The following SLC15A1 variants were observed in gnomAD, a reference collection of about 807,000 sequenced individuals.
SLC15A1 encodes Caco-2 oligopeptide transporter.
Under a neutral mutation model 92.9 loss-of-function variants are expected in SLC15A1, and 83 were observed. The ratio of observed to expected loss-of-function variants is 0.89; its 90% confidence interval spans 0.75 to 1.07. SLC15A1 has a LOEUF of 1.07. Among genes scored for constraint, SLC15A1 ranks in the 50% least tolerant of loss-of-function variants. The pLI is 0.00. For synonymous variants in SLC15A1, 322 were observed against 318.2 expected, an observed-to-expected ratio of 1.01 and a Z score of -0.13; for missense variants, 857 against 880.1, an observed-to-expected ratio of 0.97 and a Z score of 0.33.
chr13:98,729,004 AAAC>A lies in SLC15A1; in HGVS notation c.5-2148_5-2146del, dbSNP rs1330051007. Among the ~76,000 whole-genome samples the A allele has an allele frequency of 2.9e-3, 407 of 140,962 alleles. 46 individuals carry two copies. The highest frequency in any genetic ancestry group is 5.0e-3 in the African/African-American group (192 of 38,576). 92.5% of individuals were successfully genotyped at this position (140,962 alleles called of 152,430 possible). The stretch of plus-strand genomic sequence containing the variant: ...AAAAAAAAAAAAAAAAAAAAAAAAA[AAAC>A]AACAAGCCCCAAAACAAAAAACAAA... On this transcript the variant is annotated intron_variant, in intron 1 of 22. Transcript: ENST00000376503.
chr13:98,741,151 G>A (rs910304906), intron 1 of SLC15A1, among the ~76,000 whole-genome samples: 2 of 152,296 alleles, frequency 1.3e-5, no homozygotes, highest in African/African-American at 4.8e-5. Flanking sequence ...CCTGACAAGT[G>A]AGCGAGGGCC....
chr13:98,742,967 G>T (rs900042293), intron 1 of SLC15A1, among the ~76,000 whole-genome samples: 7 of 152,154 alleles, frequency 4.6e-5, no homozygotes, highest in South Asian at 2.1e-4. Flanking sequence ...TAGAGACAAG[G>T]TCTGCTATGT....
At chr13:98,722,868 ACTCCAT>A (rs2088271055) in intron 5 of SLC15A1, among the ~76,000 whole-genome samples, 1 of 152,118 alleles carries the variant, frequency 6.6e-6, no homozygotes, top group South Asian at 2.1e-4. Flanking sequence ...TCCAATACGA[ACTCCAT>A]GAAATGAAAA....
chr13:98,710,936 C>T (rs1364576106), intron 11 of SLC15A1, among the ~76,000 whole-genome samples: 1 of 152,126 alleles, frequency 6.6e-6, no homozygotes, highest in African/African-American at 2.4e-5. Context: ...GATTAGCACC[C>T]TTTGGAAAAT....
At chr13:98,747,259 G>A (rs549129537) in intron 1 of SLC15A1, among the ~76,000 whole-genome samples, 16 of 152,180 alleles carry the variant, frequency 1.1e-4, no homozygotes, top group South Asian at 4.1e-4. Context: ...ATGTGGAAAG[G>A]TTCCTCAGGC....
At chr13:98,709,199 C>T (rs1416779400) in intron 14 of SLC15A1, among the ~76,000 whole-genome samples, 1 of 152,080 alleles carries the variant, frequency 6.6e-6, no homozygotes, top group African/African-American at 2.4e-5. Context: ...GAACTCCTGA[C>T]CTCAAATGGT....
At position 98,726,195 on chromosome 13, in the gene SLC15A1, G is replaced by A. The variant is rs752300895; in HGVS notation, c.173C>T (p.Thr58Met). The change falls in exon 4 of 23, where the codon ACG becomes ATG. Residue 58 changes from threonine (T) to methionine (M), a missense_variant. Thr to Met is a moderately conservative substitution (Grantham distance 81). Coordinates refer to ENST00000376503, the MANE Select transcript of SLC15A1 (RefSeq NM_005073.4). ...DDNLSTAIYH[T>M]FVALCYLTPI... ...CGTCAGGTAGCACAGAGCCACAAAC[G>A]TATGGTAGATGGCGGTGGACAGGTT... 19 of 1,613,968 alleles carry A rather than the reference G, an allele frequency of 1.2e-5. No individual in the cohort carries two copies. The Admixed American group carries it at 1.7e-4, about 14-fold the overall frequency.
intron 1 of SLC15A1, among the ~76,000 whole-genome samples, chr13:98,750,261 TG>T (rs2088532958): frequency 6.6e-6 from 1 of 152,002 alleles, no homozygotes; most frequent in Admixed American, 6.5e-5. Context: ...AACAGGCACA[TG>T]CCACCATGCC....
chr13:98,696,307 G>C (rs1032231819), intron 18 of SLC15A1, among the ~76,000 whole-genome samples: 3 of 131,940 alleles, frequency 2.3e-5, no homozygotes, highest in Admixed American at 8.1e-5. Context: ...CCAGCTACTC[G>C]GAAGGCTGAG....
Position 98,696,296 on chromosome 13 carries a change from C to A in SLC15A1, c.1466+6184G>T, listed in dbSNP as rs1459314195. Among the ~76,000 whole-genome samples the A allele has an allele frequency of 4.1e-5, 6 of 147,032 alleles. No homozygotes were observed. The Admixed American group carries it at 4.2e-4, about 10-fold the overall frequency. ...GGGCGTGGTGGCATGTGCCTGTAAT[C>A]CCAGCTACTCGGAAGGCTGAGGCAG... On this transcript the variant is annotated intron_variant, in intron 18 of 22. Coordinates refer to ENST00000376503, the MANE Select transcript of SLC15A1 (RefSeq NM_005073.4).
rs1387169467 is a variant in SLC15A1, at chr13:98,730,177, C to T, written c.5-3318G>A. Among the ~76,000 whole-genome samples the T allele has an allele frequency of 8.8e-4, 128 of 144,878 alleles. 1 individual carries two copies. The highest frequency in any genetic ancestry group is 3.1e-3 in the African/African-American group (122 of 38,990). On this transcript the variant is annotated intron_variant, in intron 1 of 22. Transcript: ENST00000376503. The stretch of plus-strand genomic sequence containing the variant: ...CACCACTGCACTCCAGCCTGGGCAA[C>T]TGAGCGAGACTCCGTCTCAAAAAAG...
At chr13:98,702,696 C>A (rs2088077863) in intron 17 of SLC15A1, among the ~76,000 whole-genome samples, 167 bp from the exon 18 acceptor site, 1 of 152,042 alleles carries the variant, frequency 6.6e-6, no homozygotes, top group African/African-American at 2.4e-5. Context: ...TAGCTCACAC[C>A]TGTAATCCCA....
chr13:98,740,478 C>T lies in SLC15A1; in HGVS notation c.4+12117G>A, dbSNP rs148818337. 1.7e-3 allele frequency among the ~76,000 whole-genome samples: 252 copies of T among 152,308 alleles called. 1 individual carries two copies. In the Middle Eastern group the frequency reaches 0.02, roughly 12 times the overall value. ...GTGGCTCCATCCTCCTCCACCCCAG[C>T]TGTCCATCCACATGACTCGTTTTCT... On this transcript the variant is annotated intron_variant, in intron 1 of 22. Coordinates refer to ENST00000376503, the MANE Select transcript of SLC15A1 (RefSeq NM_005073.4).
chr13:98,699,481 C>T (rs1593984094), intron 18 of SLC15A1, among the ~76,000 whole-genome samples: 5 of 152,276 alleles, frequency 3.3e-5, no homozygotes, highest in African/African-American at 1.2e-4. Flanking sequence ...AGTTTGTTCC[C>T]TTTTTTGCTG....
intron 1 of SLC15A1, among the ~76,000 whole-genome samples, chr13:98,731,768 T>G (rs1350812126): frequency 6.6e-6 from 1 of 152,058 alleles, no homozygotes; most frequent in Non-Finnish European, 1.5e-5. Flanking sequence ...GTGGTAAAGT[T>G]TTTCTCTACT....
chr13:98,737,005 A>G (rs1012157728), intron 1 of SLC15A1, among the ~76,000 whole-genome samples: 1 of 152,256 alleles, frequency 6.6e-6, no homozygotes, highest in Non-Finnish European at 1.5e-5. Flanking sequence ...ATATACCCAA[A>G]GGATTATAAA....
In SLC15A1 at chr13:98,700,484, C is replaced by CAAAAAAAAAAAAAAAAA. The variant is rs56342746; in HGVS notation, c.1466+1979_1466+1995dup. On this transcript the variant is annotated intron_variant, in intron 18 of 22. Coordinates refer to ENST00000376503, the MANE Select transcript of SLC15A1 (RefSeq NM_005073.4). ...TGGGCAATAGAGCAAGACCCTGTCT[C>CAAAAAAAAAAAAAAAAA]AAAAAAAAAAAAAAAAAAAAAAAGG... Among the ~76,000 whole-genome samples, 123 of 50,910 alleles carry CAAAAAAAAAAAAAAAAA rather than the reference C, an allele frequency of 2.4e-3. 6 individuals are homozygous for CAAAAAAAAAAAAAAAAA. Among genetic ancestry groups the CAAAAAAAAAAAAAAAAA allele is most frequent in the South Asian group, 5.1e-3 (4 of 780 alleles). 33.4% of individuals were successfully genotyped at this position (50,910 alleles called of 152,430 possible). A position where few individuals can be genotyped will look rare whatever the true frequency, so the allele number is the denominator to read the frequency against.
intron 15 of SLC15A1, 100 bp downstream of exon 15, chr13:98,708,586 T>C (rs2088133987): frequency 3.0e-6 from 3 of 992,492 alleles, no homozygotes; most frequent in Non-Finnish European, 4.4e-6. Flanking sequence ...GAGAAAGACC[T>C]TGGCCTCCCC....
intron 1 of SLC15A1, among the ~76,000 whole-genome samples, chr13:98,743,737 A>G (rs2088468785): frequency 6.6e-6 from 1 of 152,216 alleles, no homozygotes; most frequent in Non-Finnish European, 1.5e-5. Context: ...ACACCTGGAT[A>G]TTTTTAGTCT....
Sources: gnomAD v4.1 joint callset for allele counts (sites outside exome capture counted in the v4.1 genomes callset) on GRCh38, gnomAD v4.1.1 for gene constraint, MANE v1.5 for transcripts, NCBI Gene and HGNC (gene_info 2026-07-23, HGNC 2026-07-21) for gene names.